Variants in CLYBL observed in about 807,000 individuals in gnomAD.
The protein encoded by CLYBL is citramalyl-CoA lyase, mitochondrial.
In CLYBL, 31 loss-of-function variants were observed where a neutral mutation model predicts 38.9. The observed-to-expected ratio is 0.80, with a 90% CI of 0.60 to 1.08. The LOEUF is 1.08. CLYBL is among the 50% of genes least tolerant of loss of function. CLYBL has a pLI of 0.00. For missense variants in CLYBL, 434 were observed against 411.6 expected (o/e 1.05, Z -0.47); for synonymous variants, 171 against 158.6 (o/e 1.08, Z -0.59).
intron 1 of CLYBL, among the ~76,000 whole-genome samples, chr13:99,624,620 G>C (rs1338035726): frequency 6.6e-6 from 1 of 152,192 alleles, no homozygotes; most frequent in African/African-American, 2.4e-5. Context: ...GGTTTATGCA[G>C]TTGAGTTGTG....
intron 2 of CLYBL, among the ~76,000 whole-genome samples, chr13:99,798,621 A>G (rs1234091109): frequency 6.6e-6 from 1 of 152,228 alleles, no homozygotes; most frequent in Non-Finnish European, 1.5e-5. Context: ...AATCTGTTTA[A>G]ACAAACTTTC....
At chr13:99,625,325 G>A (rs2046853807) in intron 1 of CLYBL, among the ~76,000 whole-genome samples, 1 of 152,126 alleles carries the variant, frequency 6.6e-6, no homozygotes. Flanking sequence ...TTAGCAACTC[G>A]CCAGTGATCA....
At chr13:99,817,221 A>G (rs965217956) in intron 2 of CLYBL, among the ~76,000 whole-genome samples, 2 of 152,220 alleles carry the variant, frequency 1.3e-5, no homozygotes, top group African/African-American at 4.8e-5. Flanking sequence ...TCTCCTGTTT[A>G]GATTTCAACA....
intron 1 of CLYBL, among the ~76,000 whole-genome samples, chr13:99,708,453 G>C (rs1046578792): frequency 6.6e-6 from 1 of 152,226 alleles, no homozygotes; most frequent in Non-Finnish European, 1.5e-5. Flanking sequence ...GGAACACTGA[G>C]ATGATATAGT....
intron 1 of CLYBL, among the ~76,000 whole-genome samples, chr13:99,764,690 T>G (rs2049232985): frequency 6.6e-6 from 1 of 152,034 alleles, no homozygotes. Flanking sequence ...CTTTTTTTAT[T>G]TTGTGAGACA....
At chr13:99,825,793 C>T (rs1012565711) in intron 2 of CLYBL, among the ~76,000 whole-genome samples, 5 of 152,168 alleles carry the variant, frequency 3.3e-5, no homozygotes, top group Admixed American at 6.5e-5. Flanking sequence ...CTGCACTGGC[C>T]GTGATTGTAG....
chr13:99,681,783 C>T (rs1454912427), intron 1 of CLYBL, among the ~76,000 whole-genome samples: 1 of 152,038 alleles, frequency 6.6e-6, no homozygotes, highest in Admixed American at 6.6e-5. Flanking sequence ...GACGGGGTTT[C>T]ACCAGTTGGC....
In CLYBL at chr13:99,826,173, G is replaced by C. The variant is rs2050691853; in HGVS notation, c.250-32688G>C. The stretch of plus-strand genomic sequence containing the variant: ...CAAACACTAGATGTTTGATTAAAAG[G>C]AAGGTATTTTGTGAGTGTGGTCAAC... On this transcript the variant is annotated intron_variant, in intron 2 of 8. Transcript: ENST00000339105. Among the ~76,000 whole-genome samples, 4 of 152,326 alleles carry C rather than the reference G, an allele frequency of 2.6e-5. No homozygotes were observed. In the South Asian group the frequency reaches 8.3e-4, roughly 32 times the overall value.
intron 1 of CLYBL, among the ~76,000 whole-genome samples, chr13:99,728,038 AC>A (rs2139557327): frequency 6.6e-6 from 1 of 152,312 alleles, no homozygotes; most frequent in East Asian, 1.9e-4. Flanking sequence ...AGATCATGCC[AC>A]TGCATGTCAG....
At chr13:99,772,723 T>A in intron 1 of CLYBL, 101 bp from the exon 2 acceptor site, 1 of 962,030 alleles carries the variant, frequency 1.0e-6, no homozygotes. Flanking sequence ...AAAAAGATTA[T>A]CCATGTGTTC....
chr13:99,641,395 T>C (rs9557271), intron 1 of CLYBL, among the ~76,000 whole-genome samples: 93,347 of 151,978 alleles, frequency 0.61, 28,975 homozygotes, highest in East Asian at 0.89. Flanking sequence ...CACGGCCAGG[T>C]GCAGTGGCTC....
chr13:99,758,098 C>A (rs2049099040), intron 1 of CLYBL, among the ~76,000 whole-genome samples: 1 of 152,192 alleles, frequency 6.6e-6, no homozygotes, highest in African/African-American at 2.4e-5. Context: ...CTTAAAAAGC[C>A]TGGGTCCTGT....
chr13:99,621,627 T>G (rs1376172163), intron 1 of CLYBL, among the ~76,000 whole-genome samples: 1 of 152,210 alleles, frequency 6.6e-6, no homozygotes, highest in South Asian at 2.1e-4. Flanking sequence ...TGTAACAGAT[T>G]ATCGCAAACA....
intron 7 of CLYBL, among the ~76,000 whole-genome samples, chr13:99,886,230 G>C (rs2052346254): frequency 6.6e-6 from 1 of 152,240 alleles, no homozygotes. Context: ...AATAGGGAAA[G>C]ACTTAGATCA....
chr13:99,730,362 C>A (rs2048566058), intron 1 of CLYBL, among the ~76,000 whole-genome samples: 1 of 152,258 alleles, frequency 6.6e-6, no homozygotes, highest in Non-Finnish European at 1.5e-5. Flanking sequence ...GGAGGTGCAG[C>A]ACGCTCATGG....
chr13:99,808,779 T>C (rs1003584261), intron 2 of CLYBL, among the ~76,000 whole-genome samples: 2 of 152,328 alleles, frequency 1.3e-5, no homozygotes, highest in Middle Eastern at 3.4e-3. Flanking sequence ...TTTAATGAAT[T>C]TAATATTAAC....
chr13:99,895,904 A>C (rs2052570435), downstream of CLYBL: 1 of 152,086 alleles, frequency 6.6e-6, no homozygotes, highest in Non-Finnish European at 1.5e-5. Flanking sequence ...CCTTCCTTTT[A>C]AATGATTTTT....
At position 99,680,820 on chromosome 13, in the gene CLYBL, G is replaced by C. The variant is rs139489526; in HGVS notation, c.62+74063G>C. Among the ~76,000 whole-genome samples the C allele has an allele frequency of 3.3e-5, 5 of 152,314 alleles. No individual in the cohort carries two copies. In the East Asian group the frequency reaches 9.6e-4, roughly 29 times the overall value. On this transcript the variant is annotated intron_variant, in intron 1 of 8. Transcript: ENST00000339105. Reference sequence around the variant, plus strand: ...CTTTGGCCTTAGGACAGACCACTGGGTTTCTCCCACTGCCTAAAACCTTAG... The same window carrying C: ...CTTTGGCCTTAGGACAGACCACTGGCTTTCTCCCACTGCCTAAAACCTTAG...
At chr13:99,711,156 G>A (rs1415665510) in intron 1 of CLYBL, among the ~76,000 whole-genome samples, 2 of 152,030 alleles carry the variant, frequency 1.3e-5, no homozygotes, top group Non-Finnish European at 2.9e-5. Flanking sequence ...AGGATTACAG[G>A]TGTGAGCCAC....
Sources: gnomAD v4.1 joint callset for allele counts (sites outside exome capture counted in the v4.1 genomes callset) on GRCh38, gnomAD v4.1.1 for gene constraint, MANE v1.5 for transcripts, NCBI Gene and HGNC (gene_info 2026-07-23, HGNC 2026-07-21) for gene names.